Variants in ATP8A1 observed in about 807,000 individuals in gnomAD.
The protein encoded by ATP8A1 is ATPase phospholipid transporting 8A1.
A neutral mutation model predicts 177.7 loss-of-function variants in ATP8A1; 90 were observed. The observed-to-expected ratio is 0.51, with a 90% CI of 0.43 to 0.60. The LOEUF (loss-of-function observed/expected upper bound fraction) is 0.60. ATP8A1 is among the 20% of genes least tolerant of loss of function. The pLI is 0.00. For missense variants in ATP8A1, 1,072 were observed against 1,392.8 expected (o/e 0.77, Z 3.67); for synonymous variants, 493 against 485.9 (o/e 1.01, Z -0.19).
chr4:42,626,109 C>A (rs1738044101), intron 2 of ATP8A1: 1 of 153,426 alleles, frequency 6.5e-6, no homozygotes, highest in African/African-American at 2.4e-5. Flanking sequence ...GCAATTTGAC[C>A]AGACACTGTA....
At chr4:42,565,526 T>G (rs1163542955) in intron 15 of ATP8A1, among the ~76,000 whole-genome samples, 1 of 152,202 alleles carries the variant, frequency 6.6e-6, no homozygotes, top group Non-Finnish European at 1.5e-5. Context: ...AAAACCCCAG[T>G]GAAATGACTA....
At chr4:42,484,798 A>C (rs1255457265) in intron 25 of ATP8A1, among the ~76,000 whole-genome samples, 1 of 152,192 alleles carries the variant, frequency 6.6e-6, no homozygotes, top group Non-Finnish European at 1.5e-5. Flanking sequence ...TCAATAGTGA[A>C]TGACAAAGGG....
chr4:42,622,997 G>C lies in ATP8A1; in HGVS notation c.363+1539C>G, dbSNP rs370364141. ...GCACTCCAGCCTGGGTGATAAGAGC[G>C]AAACTCTGTCTCAAAAAAAAAAAAA... On this transcript the variant is annotated intron_variant, in intron 4 of 36. Transcript: ENST00000381668. Among the ~76,000 whole-genome samples the C allele has an allele frequency of 3.0e-4, 39 of 131,518 alleles. No individual in the cohort carries two copies. In the East Asian group the frequency reaches 7.7e-3, roughly 26 times the overall value. The allele number at this position is 131,518 out of a possible 152,430, so 86.3% of individuals were successfully genotyped here. A position where few individuals can be genotyped will look rare whatever the true frequency, so the allele number is the denominator to read the frequency against.
chr4:42,647,467 T>C (rs1276290632), intron 1 of ATP8A1, among the ~76,000 whole-genome samples: 1 of 151,978 alleles, frequency 6.6e-6, no homozygotes, highest in African/African-American at 2.4e-5. Flanking sequence ...AAACTACCAC[T>C]CATAAATTTT....
chr4:42,451,307 C>G (rs150236903), intron 30 of ATP8A1, among the ~76,000 whole-genome samples: 56 of 152,176 alleles, frequency 3.7e-4, no homozygotes, highest in African/African-American at 1.2e-3. Flanking sequence ...TTTTGATTAC[C>G]GTAGTATTGA....
At chr4:42,443,034 G>C (rs1183831873) in intron 33 of ATP8A1, among the ~76,000 whole-genome samples, 1 of 152,112 alleles carries the variant, frequency 6.6e-6, no homozygotes, top group Non-Finnish European at 1.5e-5. Flanking sequence ...CTGAAAGACA[G>C]AATTGAAAAT....
At chr4:42,608,978 T>C (rs959227911) in intron 5 of ATP8A1, among the ~76,000 whole-genome samples, 4 of 152,210 alleles carry the variant, frequency 2.6e-5, no homozygotes, top group Non-Finnish European at 1.5e-5. Context: ...GTCTCTTGTA[T>C]AAGCTTGCCT....
chr4:42,507,729 C>CA (rs34269384), intron 22 of ATP8A1, among the ~76,000 whole-genome samples: 929 of 8,886 alleles, frequency 0.1, 169 homozygotes, highest in Middle Eastern at 1. Flanking sequence ...GACTCCATCT[C>CA]AAAAAAAAAA....
At chr4:42,655,990 T>C (rs1232051117) in intron 1 of ATP8A1, among the ~76,000 whole-genome samples, 1 of 152,202 alleles carries the variant, frequency 6.6e-6, no homozygotes, top group African/African-American at 2.4e-5. Flanking sequence ...ATATTTACAG[T>C]CTTGGCTTTG....
At chr4:42,431,026 T>C (rs1413687050) in intron 33 of ATP8A1, among the ~76,000 whole-genome samples, 2 of 152,182 alleles carry the variant, frequency 1.3e-5, no homozygotes, top group East Asian at 1.9e-4. Context: ...AGACTTATGT[T>C]TGTATGTTTT....
chr4:42,461,030 C>T (rs1397807799), intron 27 of ATP8A1, among the ~76,000 whole-genome samples: 1 of 152,170 alleles, frequency 6.6e-6, no homozygotes, highest in African/African-American at 2.4e-5. Flanking sequence ...TGCTGCCCAG[C>T]ATGGTAGAGA....
At chr4:42,601,181 A>G (rs1465903413) in intron 5 of ATP8A1, among the ~76,000 whole-genome samples, 1 of 151,848 alleles carries the variant, frequency 6.6e-6, no homozygotes, top group Non-Finnish European at 1.5e-5. Context: ...GACTACAGGC[A>G]TGCACCACCA....
chr4:42,610,198 A>C (rs960959925), intron 5 of ATP8A1, among the ~76,000 whole-genome samples: 16 of 150,112 alleles, frequency 1.1e-4, no homozygotes, highest in African/African-American at 3.9e-4. Context: ...ATCAGTCTGC[A>C]TCTTATCTTC....
chr4:42,615,982 T>C lies in ATP8A1; in HGVS notation c.409+51A>G, dbSNP rs377758726. 116 of 1,509,046 alleles carry C rather than the reference T, an allele frequency of 7.7e-5. No individual in the cohort carries two copies. In the African/African-American group the frequency reaches 9.8e-4, roughly 13 times the overall value. The allele number at this position is 1,509,046 out of a possible 1,614,324, so 93.5% of individuals were successfully genotyped here. A position where few individuals can be genotyped will look rare whatever the true frequency, so the allele number is the denominator to read the frequency against. The stretch of plus-strand genomic sequence containing the variant: ...TATATGTAATTGAAGTGTTTGTATA[T>C]ACTACAAGTAGGTTTGACAAATATG... On this transcript the variant is annotated intron_variant, in intron 5 of 36. Coordinates refer to ENST00000381668, the MANE Select transcript of ATP8A1 (RefSeq NM_006095.2).
chr4:42,555,167 T>C (rs1013793148), intron 16 of ATP8A1, among the ~76,000 whole-genome samples: 4 of 137,514 alleles, frequency 2.9e-5, no homozygotes, highest in South Asian at 2.4e-4. Flanking sequence ...TCTATCTATC[T>C]ATCTATCTAT....
intron 15 of ATP8A1, among the ~76,000 whole-genome samples, chr4:42,566,825 G>A (rs1731394683): frequency 6.6e-6 from 1 of 152,136 alleles, no homozygotes; most frequent in South Asian, 2.1e-4. Flanking sequence ...ATAATTTGGG[G>A]CAAACTGCTT....
intron 35 of ATP8A1, among the ~76,000 whole-genome samples, chr4:42,420,025 A>C (rs971444451): frequency 2.0e-5 from 3 of 152,244 alleles, no homozygotes; most frequent in South Asian, 2.1e-4. Flanking sequence ...ACAAACAAAA[A>C]AAAAAAACTG....
intron 24 of ATP8A1, among the ~76,000 whole-genome samples, chr4:42,489,966 A>G (rs1405739051): frequency 2.0e-5 from 3 of 152,216 alleles, no homozygotes; most frequent in South Asian, 2.1e-4. Flanking sequence ...CTTGTTCTGC[A>G]TATTTTCACT....
chr4:42,598,974 C>T (rs897794743), intron 6 of ATP8A1, among the ~76,000 whole-genome samples: 3 of 152,030 alleles, frequency 2.0e-5, no homozygotes, highest in African/African-American at 7.2e-5. Flanking sequence ...GTTAGGTGTG[C>T]CATTGACCTG....
Sources: allele counts gnomAD v4.1 joint callset (sites outside exome capture counted in the v4.1 genomes callset), GRCh38; gene constraint gnomAD v4.1.1; transcripts MANE v1.5; gene names NCBI Gene and HGNC (gene_info 2026-07-23, HGNC 2026-07-21).